The following TANC2 variants were observed in gnomAD, a reference collection of about 807,000 sequenced individuals.
TANC2 encodes tetratricopeptide repeat, ankyrin repeat and coiled-coil containing 2.
In TANC2, 26 loss-of-function variants were observed where a neutral mutation model predicts 210.5. The observed-to-expected ratio is 0.12, with a 90% CI of 0.09 to 0.17. The LOEUF (loss-of-function observed/expected upper bound fraction) is 0.17, where lower values mean the gene tolerates loss of function less well. Ranked by LOEUF, TANC2 falls within the 10% of genes least tolerant of loss-of-function variation. The probability of loss-of-function intolerance (pLI) is 1.00; values close to 1 mark genes in which losing one functional copy is unlikely to be tolerated. For synonymous variants in TANC2, 931 were observed against 967.1 expected (o/e 0.96, Z 0.69); for missense variants, 2,129 against 2,608.9 (o/e 0.82, Z 4.01).
At chr17:63,171,081 CTTTTTTTTTTTT>C (rs578140711) in intron 5 of TANC2, among the ~76,000 whole-genome samples, 1 of 98,080 alleles carries the variant, frequency 1.0e-5, no homozygotes, top group Admixed American at 1.1e-4. Flanking sequence ...GTATTTCTTT[CTTTTTTTTTTTT>C]TTTTTTTTTT....
chr17:62,993,101 A>C (rs1427218133), intron 1 of TANC2, among the ~76,000 whole-genome samples: 1 of 152,196 alleles, frequency 6.6e-6, no homozygotes, highest in Non-Finnish European at 1.5e-5. Flanking sequence ...TTTTTTAATG[A>C]CATTTGTGAC....
At chr17:63,131,298 C>T (rs922849189) in intron 4 of TANC2, among the ~76,000 whole-genome samples, 1 of 152,108 alleles carries the variant, frequency 6.6e-6, no homozygotes, top group Admixed American at 6.6e-5. Flanking sequence ...AAAACCTAAT[C>T]ATAATAAAAT....
At chr17:63,268,166 C>G (rs924133217) in intron 9 of TANC2, among the ~76,000 whole-genome samples, 1 of 152,172 alleles carries the variant, frequency 6.6e-6, no homozygotes, top group Non-Finnish European at 1.5e-5. Flanking sequence ...GGGGAAATAA[C>G]CTTTCTAAGA....
intron 8 of TANC2, among the ~76,000 whole-genome samples, chr17:63,244,803 A>G (rs2042871847): frequency 6.6e-6 from 1 of 152,174 alleles, no homozygotes; most frequent in Admixed American, 6.5e-5. Context: ...GGAGGGACCC[A>G]GTGGGAGGTA....
chr17:63,027,122 C>T (rs2034583703), intron 2 of TANC2, among the ~76,000 whole-genome samples: 1 of 152,126 alleles, frequency 6.6e-6, no homozygotes, highest in South Asian at 2.1e-4. Context: ...TGAAGTTTCC[C>T]TGGTAAAACT....
At chr17:63,098,049 C>G (rs558843908) in intron 3 of TANC2, among the ~76,000 whole-genome samples, 3 of 152,010 alleles carry the variant, frequency 2.0e-5, no homozygotes, top group South Asian at 2.1e-4. Context: ...TAAATTCTGT[C>G]CCTCATTGTT....
chr17:63,009,685 G>T, intron 2 of TANC2, 59 bp downstream of exon 2: 2 of 1,446,424 alleles, frequency 1.4e-6, no homozygotes, highest in Non-Finnish European at 1.9e-6. Flanking sequence ...GTTCTTTTAG[G>T]GTCCTGAATT....
Position 63,146,008 on chromosome 17 carries a change from A to T in TANC2, c.323-5262A>T, listed in dbSNP as rs2039451256. 3.3e-5 allele frequency among the ~76,000 whole-genome samples: 5 copies of T among 152,250 alleles called. No homozygotes were observed. In the South Asian group the frequency reaches 1.0e-3, roughly 32 times the overall value. ...CTATAGATCACTTGGGTGGTGTACC[A>T]TCTTAATATTGTCCCCCAGTCCATG... On this transcript the variant is annotated intron_variant, in intron 4 of 27. Transcript: ENST00000689528.
intron 4 of TANC2, among the ~76,000 whole-genome samples, chr17:63,101,690 G>A (rs992996919): frequency 1.3e-5 from 2 of 152,162 alleles, no homozygotes; most frequent in Non-Finnish European, 2.9e-5. Context: ...TAAATGCATA[G>A]CCAGTAAATA....
chr17:62,979,147 A>C (rs536816801), intron 1 of TANC2, among the ~76,000 whole-genome samples: 8 of 152,098 alleles, frequency 5.3e-5, no homozygotes, highest in African/African-American at 1.9e-4. Context: ...TTTCTTTATA[A>C]GTGTCTTCTA....
intron 2 of TANC2, among the ~76,000 whole-genome samples, chr17:63,020,507 G>A (rs1156675599): frequency 3.3e-5 from 5 of 152,050 alleles, no homozygotes; most frequent in African/African-American, 1.2e-4. Flanking sequence ...GTCTTATGAT[G>A]TTGCCCAGGC....
In TANC2 at chr17:62,971,789, G is replaced by A. The variant is rs77139112; in HGVS notation, c.-24+5040G>A. On this transcript the variant is annotated intron_variant, in intron 1 of 27. Transcript: ENST00000689528. ...GCAGCTTCATTAGATTCTCATAGGA[G>A]CTTGAACCCTATTGTGAACTGCTCA... 3.7e-3 allele frequency among the ~76,000 whole-genome samples: 567 copies of A among 152,298 alleles called. 2 individuals carry two copies. Among genetic ancestry groups the A allele is most frequent in the African/African-American group, 0.012 (518 of 41,556 alleles).
rs921135521 is a variant in TANC2, at chr17:63,412,422, A to T, written c.3899-258A>T. Among the ~76,000 whole-genome samples, 1 of 151,334 alleles carries T rather than the reference A, an allele frequency of 6.6e-6. No individual in the cohort carries two copies. Among genetic ancestry groups the T allele is most frequent in the Non-Finnish European group, 1.5e-5 (1 of 67,806 alleles). ...TCAGCACTGCCTCTGTTCCAGCCCCACTCTATCAGCATCCTGGATCTCTGC... is the reference window on the plus strand; with the variant it reads ...TCAGCACTGCCTCTGTTCCAGCCCCTCTCTATCAGCATCCTGGATCTCTGC... On this transcript the variant is annotated intron_variant, in intron 23 of 27. Transcript: ENST00000689528. This position sits in a 1 kb window ranked among gnomAD's most constrained non-coding sequence, Gnocchi z 4.2.
intron 7 of TANC2, among the ~76,000 whole-genome samples, chr17:63,235,217 T>C (rs1175669865): frequency 6.6e-6 from 1 of 152,130 alleles, no homozygotes; most frequent in Admixed American, 6.6e-5. Flanking sequence ...TACCACATAC[T>C]ATCCTTGGTT....
At chr17:63,304,625 T>C (rs568131151) in intron 9 of TANC2, among the ~76,000 whole-genome samples, 1 of 152,196 alleles carries the variant, frequency 6.6e-6, no homozygotes, top group African/African-American at 2.4e-5. Flanking sequence ...TGGACGGGGG[T>C]GCTTTGCTGG....
chr17:63,072,926 A>G (rs1568362624), intron 2 of TANC2, among the ~76,000 whole-genome samples: 1 of 152,122 alleles, frequency 6.6e-6, no homozygotes, highest in Non-Finnish European at 1.5e-5. Context: ...AAAGCAATAG[A>G]TGTTACTACA....
chr17:63,318,643 C>G, intron 10 of TANC2, among the ~76,000 whole-genome samples: 1 of 152,112 alleles, frequency 6.6e-6, no homozygotes, highest in East Asian at 1.9e-4. Flanking sequence ...ATAACATTTT[C>G]AAGGGTTTAT....
At chr17:62,999,216 TC>T (rs2033258363) in intron 1 of TANC2, among the ~76,000 whole-genome samples, 2 of 152,096 alleles carry the variant, frequency 1.3e-5, no homozygotes, top group Non-Finnish European at 2.9e-5. Flanking sequence ...ACACACACTG[TC>T]TCTCACTCCT....
chr17:63,005,897 T>C (rs2033602421), intron 1 of TANC2, among the ~76,000 whole-genome samples: 1 of 9,800 alleles, frequency 1.0e-4, no homozygotes, highest in Admixed American at 8.9e-4. Flanking sequence ...CTGTATAGTT[T>C]GTGTGTGTGT....
Sources: allele counts gnomAD v4.1 joint callset (sites outside exome capture counted in the v4.1 genomes callset), GRCh38; gene constraint gnomAD v4.1.1; non-coding constraint Gnocchi (gnomAD v3.1); transcripts MANE v1.5; gene names NCBI Gene and HGNC (gene_info 2026-07-23, HGNC 2026-07-21).